Variants in BACE2 observed in about 807,000 individuals in gnomAD.
BACE2 encodes the protein beta-secretase 2, also known as 56 kDa aspartic-like protease.
In BACE2, 17 loss-of-function variants were observed where a neutral mutation model predicts 46.2. The ratio of observed to expected loss-of-function variants is 0.37; its 90% CI spans 0.25 to 0.55. The LOEUF is 0.55. Ranked by LOEUF, BACE2 falls within the 20% of genes least tolerant of loss-of-function variation. The probability of loss-of-function intolerance (pLI) is 0.82; values close to 1 mark genes in which losing one functional copy is unlikely to be tolerated. For missense variants in BACE2, 595 were observed against 698.1 expected, an observed-to-expected ratio of 0.85 and a Z score of 1.66; for synonymous variants, 277 against 295.9, an observed-to-expected ratio of 0.94 and a Z score of 0.66.
intron 2 of BACE2, among the ~76,000 whole-genome samples, chr21:41,236,470 A>C (rs1987120897): frequency 1.3e-5 from 2 of 152,104 alleles, no homozygotes; most frequent in African/African-American, 4.8e-5. Flanking sequence ...TGATCTTGTG[A>C]ATGTCGTTCT....
chr21:41,188,918 G>C (rs543731545), intron 1 of BACE2, among the ~76,000 whole-genome samples: 2 of 152,186 alleles, frequency 1.3e-5, no homozygotes, highest in Non-Finnish European at 2.9e-5. Context: ...ATTGGTTACC[G>C]TGGTTCCTTA....
At chr21:41,216,593 G>C (rs1267797786) in intron 1 of BACE2, among the ~76,000 whole-genome samples, 2 of 152,236 alleles carry the variant, frequency 1.3e-5, no homozygotes, top group African/African-American at 4.8e-5. Context: ...CCGGGTCTGG[G>C]CGTGTGAGAA....
At chr21:41,251,431 G>A (rs1343057943) in intron 7 of BACE2, among the ~76,000 whole-genome samples, 3 of 152,188 alleles carry the variant, frequency 2.0e-5, no homozygotes, top group Admixed American at 6.5e-5. Context: ...GTGGCTACAA[G>A]GAAAAGGGAA....
chr21:41,271,567 C>T (rs2088435211), intron 8 of BACE2, among the ~76,000 whole-genome samples: 1 of 152,054 alleles, frequency 6.6e-6, no homozygotes, highest in Admixed American at 6.6e-5. Flanking sequence ...ACATTTTTTC[C>T]CTTTTTTCCT....
chr21:41,253,058 T>C (rs921552681), intron 7 of BACE2, among the ~76,000 whole-genome samples: 37 of 152,318 alleles, frequency 2.4e-4, no homozygotes, highest in African/African-American at 8.9e-4. Flanking sequence ...AAAGACATTT[T>C]CAGAAGAATG....
chr21:41,186,197 C>T (rs1601248749), intron 1 of BACE2: 1 of 152,252 alleles, frequency 6.6e-6, no homozygotes, highest in African/African-American at 2.4e-5. Context: ...AGCCAGTCTT[C>T]CACGTGGGAC....
chr21:41,214,012 A>G (rs1399819809), intron 1 of BACE2, among the ~76,000 whole-genome samples: 1 of 152,168 alleles, frequency 6.6e-6, no homozygotes. Context: ...GCTGGCTAAA[A>G]TTGCACGTGG....
chr21:41,227,425 G>A (rs373021885), intron 2 of BACE2, among the ~76,000 whole-genome samples: 31 of 152,276 alleles, frequency 2.0e-4, no homozygotes, highest in Middle Eastern at 3.4e-3. Flanking sequence ...ACAAAAGGAG[G>A]GGGAAAGAAT....
At chr21:41,169,168 G>A (rs1280823321) in intron 1 of BACE2, among the ~76,000 whole-genome samples, 1 of 151,966 alleles carries the variant, frequency 6.6e-6, no homozygotes, top group East Asian at 1.9e-4. Flanking sequence ...CCCTGCGCCC[G>A]CTTTCCTTTC....
chr21:41,200,977 A>G (rs1240977062), intron 1 of BACE2, among the ~76,000 whole-genome samples: 1 of 152,218 alleles, frequency 6.6e-6, no homozygotes, highest in East Asian at 1.9e-4. Context: ...TCAAGCATAC[A>G]CAGCCTGGCC....
intron 8 of BACE2, 123 bp downstream of exon 8, chr21:41,257,449 C>A: frequency 4.5e-6 from 5 of 1,120,124 alleles, no homozygotes; most frequent in Non-Finnish European, 5.0e-6. Context: ...ATTCCTATCA[C>A]CAGTGATCAA....
rs149816673 is a variant in BACE2 at position 41,281,377 on chromosome 21, C to G, written c.*5753C>G. ...AGAAACCTTGGGTGTCCTTGGCAAC[C>G]TAGCCTTTGACATTGATGTTTTTCC... On this transcript the variant is annotated 3_prime_UTR_variant, in exon 9 of 9. Coordinates refer to ENST00000330333, the MANE Select transcript of BACE2 (RefSeq NM_012105.5). 1 of 152,314 alleles carries G rather than the reference C, an allele frequency of 6.6e-6. No homozygotes were observed. The highest frequency in any genetic ancestry group is 1.5e-5 in the Non-Finnish European group (1 of 68,032). The allele number at this position is 152,314 out of a possible 1,614,324, so 9.4% of individuals were successfully genotyped here.
chr21:41,260,952 C>T (rs1987921008), intron 8 of BACE2, among the ~76,000 whole-genome samples: 4 of 152,050 alleles, frequency 2.6e-5, no homozygotes. Flanking sequence ...GTCAACTCGA[C>T]TTTATTGTTT....
intron 8 of BACE2, among the ~76,000 whole-genome samples, chr21:41,264,735 C>T (rs1171421430): frequency 6.6e-6 from 1 of 152,122 alleles, no homozygotes; most frequent in Non-Finnish European, 1.5e-5. Context: ...GCCCCATCTC[C>T]AACACTTGGG....
chr21:41,220,966 G>A (rs746441211), intron 1 of BACE2, among the ~76,000 whole-genome samples: 23 of 150,684 alleles, frequency 1.5e-4, no homozygotes, highest in Non-Finnish European at 2.4e-4. Flanking sequence ...AGGCTGAGGC[G>A]GGTGGATCAC....
intron 1 of BACE2, chr21:41,179,286 G>C: frequency 1.5e-6 from 2 of 1,308,408 alleles, no homozygotes; most frequent in Non-Finnish European, 2.0e-6. Flanking sequence ...AGGGAGTCCA[G>C]GGTGAGGATT....
chr21:41,198,389 G>A (rs908341243), intron 1 of BACE2, among the ~76,000 whole-genome samples: 9 of 152,186 alleles, frequency 5.9e-5, no homozygotes, highest in South Asian at 2.1e-4. Flanking sequence ...GATGGGCCTC[G>A]TCTGATTCAA....
At chr21:41,266,096 T>C (rs1208648487) in intron 8 of BACE2, among the ~76,000 whole-genome samples, 1 of 152,224 alleles carries the variant, frequency 6.6e-6, no homozygotes, top group Non-Finnish European at 1.5e-5. Context: ...ACTATTCCAT[T>C]GATATATCTT....
At chr21:41,261,097 T>C (rs1338052248) in intron 8 of BACE2, among the ~76,000 whole-genome samples, 1 of 152,234 alleles carries the variant, frequency 6.6e-6, no homozygotes, top group Non-Finnish European at 1.5e-5. Flanking sequence ...ATTTCTGTAT[T>C]GGCAATTATA....
Sources: gnomAD v4.1 joint callset for allele counts (sites outside exome capture counted in the v4.1 genomes callset) on GRCh38, gnomAD v4.1.1 for gene constraint, MANE v1.5 for transcripts, NCBI Gene and HGNC (gene_info 2026-07-23, HGNC 2026-07-21) for gene names.